Variants in ALDH1A3 observed in about 807,000 individuals in gnomAD.
ALDH1A3 encodes retinaldehyde dehydrogenase 3.
A neutral mutation model predicts 57.5 loss-of-function variants in ALDH1A3; 28 were observed. That is an observed-to-expected ratio of 0.49 (90% CI 0.36 to 0.67). The LOEUF is 0.67. Among genes scored for constraint, ALDH1A3 ranks in the 30% least tolerant of loss-of-function variants. The pLI, the probability that ALDH1A3 is intolerant of heterozygous loss-of-function variation, is 0.00. For missense variants in ALDH1A3, 507 were observed against 669.4 expected, an observed-to-expected ratio of 0.76 and a Z score of 2.68; for synonymous variants, 281 against 264.8, an observed-to-expected ratio of 1.06 and a Z score of -0.59.
intron 8 of ALDH1A3, 96 bp from the exon 9 acceptor site, chr15:100,900,479 T>C (rs967402703): frequency 6.1e-6 from 7 of 1,148,414 alleles, no homozygotes; most frequent in Non-Finnish European, 7.5e-6. Context: ...TGTTTTCTTG[T>C]GTGGGCAATT....
chr15:100,900,699 G>A lies in ALDH1A3; in HGVS notation c.1008G>A (p.Glu336=). 1.2e-6 allele frequency: 2 copies of A among 1,614,128 alleles called. No individual in the cohort carries two copies. Among genetic ancestry groups the A allele is most frequent in the Non-Finnish European group, 1.7e-6 (2 of 1,180,032 alleles). ...CTGAGTTTGTCAGGCGGAGCGTGGA[G>A]TATGCCAAGAAACGGCCCGTGGGAG... ...VYSEFVRRSV[E]YAKKRPVGDP... is the part of the protein sequence containing the mutation. Residue 336 remains glutamate, a synonymous_variant, in exon 9 of 13, where the codon GAG becomes GAA. Transcript: ENST00000329841.
Position 100,893,778 on chromosome 15 carries a change from GT to G in ALDH1A3, c.538-173del. The G allele has an allele frequency of 1.3e-6, 1 of 787,446 alleles. No individual in the cohort carries two copies. The highest frequency in any genetic ancestry group is 2.3e-5 in the South Asian group (1 of 43,844). The allele number at this position is 787,446 out of a possible 1,614,324, so 48.8% of individuals were successfully genotyped here. ...GCCTATTAGTACCACCCAGAATGCA[GT>G]TTAGGAAGTGCTGTGCAGGATTGCA... On this transcript the variant is annotated intron_variant, in intron 5 of 12. Transcript: ENST00000329841. This position sits in a 1 kb window ranked among gnomAD's most constrained non-coding sequence, Gnocchi z 4.8.
At position 100,915,051 on chromosome 15, in the gene ALDH1A3, A is replaced by G; in HGVS notation, c.*278A>G. 4.5e-6 allele frequency: 2 copies of G among 443,702 alleles called. No homozygotes were observed. Among genetic ancestry groups the G allele is most frequent in the Non-Finnish European group, 8.3e-6 (2 of 240,672 alleles). 27.5% of individuals were successfully genotyped at this position (443,702 alleles called of 1,614,324 possible). On this transcript the variant is annotated 3_prime_UTR_variant, in exon 13 of 13. Coordinates refer to ENST00000329841, the MANE Select transcript of ALDH1A3 (RefSeq NM_000693.4). ...TTTAAACCAGATCCTGGAGACAGTG[A>G]GATACTCAGGGCGTTGTTAACAGGG...
chr15:100,908,412 A>G lies in ALDH1A3; in HGVS notation c.1396A>G (p.Asn466Asp). ...CTTTCTTCCATTCTTTTCTAGGATC[A>G]ACTGCTACAACGCCCTCTATGCACA... ...SALESGTVWI[N>D]CYNALYAQAP... The change falls in exon 12 of 13, where the codon AAC becomes GAC. Residue 466 changes from asparagine to aspartate, a missense_variant. By Grantham distance (23) the Asn-to-Asp change is conservative. Around this residue, in one of 2 missense-constraint regions of ALDH1A3, gnomAD observed 432 missense variants for 608.4 expected, o/e 0.71. Coordinates refer to ENST00000329841, the MANE Select transcript of ALDH1A3 (RefSeq NM_000693.4). The G allele has an allele frequency of 6.2e-7, 1 of 1,613,770 alleles. No individual in the cohort carries two copies. Among genetic ancestry groups the G allele is most frequent in the Non-Finnish European group, 8.5e-7 (1 of 1,179,674 alleles).
chr15:100,911,955 CT>C (rs1426335988), intron 12 of ALDH1A3, among the ~76,000 whole-genome samples: 12 of 152,264 alleles, frequency 7.9e-5, no homozygotes, highest in African/African-American at 2.6e-4. Flanking sequence ...TGTATTCTCA[CT>C]TTTAGAGTGT....
intron 8 of ALDH1A3, among the ~76,000 whole-genome samples, chr15:100,898,804 G>A (rs1242867843): frequency 1.4e-4 from 21 of 152,204 alleles, no homozygotes; most frequent in Admixed American, 6.5e-5. Context: ...ACGACACAGC[G>A]TTAAAATATA....
At chr15:100,907,666 C>T (rs372333701) in intron 11 of ALDH1A3, among the ~76,000 whole-genome samples, 1 of 152,080 alleles carries the variant, frequency 6.6e-6, no homozygotes, top group South Asian at 2.1e-4. Context: ...AGTAATTCTG[C>T]AGATTATGTT....
chr15:100,884,564 G>GTTT (rs1453320699), intron 1 of ALDH1A3, among the ~76,000 whole-genome samples: 1 of 121,048 alleles, frequency 8.3e-6, no homozygotes, highest in East Asian at 4.2e-4. Context: ...GGTTTTTCTG[G>GTTT]GTTTTTTTTT....
rs1596132609 is a variant in ALDH1A3 at position 100,905,684 on chromosome 15, G to A, written c.1230G>A (p.Glu410=). Residue 410 remains glutamate, a synonymous_variant, in exon 10 of 13, where the codon GAG becomes GAA. Transcript: ENST00000329841. The part of the protein sequence containing the change: ...EVTDNMRIAK[E]EIFGPVQPIL... ...CAGACAACATGCGGATTGCCAAAGA[G>A]GAGGTACAAGGGGGCTGTGGCAAGG... 2.5e-6 allele frequency: 4 copies of A among 1,571,606 alleles called. No homozygotes were observed. Among genetic ancestry groups the A allele is most frequent in the African/African-American group, 2.7e-5 (2 of 73,486 alleles).
At chr15:100,913,640 C>G (rs2041904234) in intron 12 of ALDH1A3, 1 of 152,248 alleles carries the variant, frequency 6.6e-6, no homozygotes, top group Admixed American at 6.5e-5. Context: ...ATTCTTCACT[C>G]TGTAGCCCAA....
intron 12 of ALDH1A3, among the ~76,000 whole-genome samples, chr15:100,908,839 C>A (rs2041852613): frequency 1.3e-5 from 2 of 152,184 alleles, no homozygotes; most frequent in South Asian, 4.1e-4. Flanking sequence ...ATTCACACAA[C>A]TCCCCACTCA....
At position 100,896,010 on chromosome 15, in the gene ALDH1A3, T is replaced by A. The variant is rs755436977; in HGVS notation, c.744T>A (p.Pro248=). The A allele has an allele frequency of 9.9e-6, 16 of 1,613,204 alleles. No individual in the cohort carries two copies. In the South Asian group the frequency reaches 1.7e-4, roughly 17 times the overall value. The change falls in exon 7 of 13, where the codon CCT becomes CCA. Residue 248 remains proline (P), a synonymous_variant. Transcript: ENST00000329841. ...TGGGAGCAGCAATTTCTTCTCACCC[T>A]CAGATCAACAAGATCGCCTTCACCG... is the stretch of plus-strand genomic sequence containing the variant. ...PTVGAAISSH[P]QINKIAFTGS... is the part of the protein sequence containing the mutation.
At chr15:100,892,157 A>G (rs373565813) in intron 3 of ALDH1A3, 4 of 262,250 alleles carry the variant, frequency 1.5e-5, no homozygotes, top group Middle Eastern at 4.1e-4. Context: ...GCCACACAGC[A>G]GAGGCCACTG....
chr15:100,880,859 C>A (rs2041541161), intron 1 of ALDH1A3: 1 of 152,286 alleles, frequency 6.6e-6, no homozygotes, highest in Admixed American at 6.5e-5. Context: ...GCCGAGAGAC[C>A]CGGGTCCGGG....
intron 3 of ALDH1A3, among the ~76,000 whole-genome samples, chr15:100,890,622 CTG>C (rs1390697343): frequency 1.3e-5 from 2 of 152,132 alleles, no homozygotes; most frequent in Non-Finnish European, 2.9e-5. Flanking sequence ...AGATGAGAAA[CTG>C]AGGCCCAGAG....
At chr15:100,901,879 C>T (rs948787138) in intron 9 of ALDH1A3, among the ~76,000 whole-genome samples, 6 of 152,132 alleles carry the variant, frequency 3.9e-5, no homozygotes, top group African/African-American at 1.4e-4. Context: ...CCTCCACTGG[C>T]CCCAGTCCAC....
Position 100,915,120 on chromosome 15 carries a change from G to A in ALDH1A3, c.*347G>A, listed in dbSNP as rs189703242. The A allele has an allele frequency of 2.1e-5, 5 of 241,274 alleles. No homozygotes were observed. Among genetic ancestry groups the A allele is most frequent in the Admixed American group, 9.7e-5 (2 of 20,702 alleles). The allele number at this position is 241,274 out of a possible 1,614,324, so 14.9% of individuals were successfully genotyped here. A position where few individuals can be genotyped will look rare whatever the true frequency, so the allele number is the denominator to read the frequency against. ...CAGCAGTTGCTTGAAATGCTTTGCC[G>A]AATCTGACTCCAGTAAGAATGTGGG... On this transcript the variant is annotated 3_prime_UTR_variant, in exon 13 of 13. Coordinates refer to ENST00000329841, the MANE Select transcript of ALDH1A3 (RefSeq NM_000693.4).
At chr15:100,902,543 G>A (rs546424374) in intron 9 of ALDH1A3, among the ~76,000 whole-genome samples, 2 of 152,328 alleles carry the variant, frequency 1.3e-5, no homozygotes, top group Admixed American at 6.5e-5. Context: ...AATCATTCAG[G>A]TTTATTTGGC....
At chr15:100,882,149 G>A (rs1335678660) in intron 1 of ALDH1A3, among the ~76,000 whole-genome samples, 1 of 152,242 alleles carries the variant, frequency 6.6e-6, no homozygotes, top group Admixed American at 6.5e-5. Flanking sequence ...GGTGCTTCTC[G>A]ATAATGGGGC....
Sources: allele counts gnomAD v4.1 joint callset (sites outside exome capture counted in the v4.1 genomes callset), GRCh38; gene constraint gnomAD v4.1.1; regional missense constraint gnomAD v4.1.1; non-coding constraint Gnocchi (gnomAD v3.1); transcripts MANE v1.5; gene names NCBI Gene and HGNC (gene_info 2026-07-23, HGNC 2026-07-21).